Variants in PCDHGA7 observed in about 807,000 individuals in gnomAD.
PCDHGA7 encodes the protein protocadherin gamma-A7.
PCDHGA7 carries 44 observed loss-of-function variants against 58.3 expected under a neutral mutation model. The observed-to-expected ratio is 0.75, with a 90% CI of 0.59 to 0.97. PCDHGA7 has a LOEUF of 0.97. Ranked by LOEUF, PCDHGA7 falls within the 50% of genes least tolerant of loss-of-function variation. The pLI is 0.00. For synonymous variants in PCDHGA7, 516 were observed against 504.2 expected, an observed-to-expected ratio of 1.02 and a Z score of -0.31; for missense variants, 1,266 against 1,188.7, an observed-to-expected ratio of 1.06 and a Z score of -0.96.
rs144796076 is a variant in PCDHGA7, at chr5:141,394,245, G to A, written c.2424+8922G>A. ...CTCCATCTTTTCCTTGACTGCACACGACCCCGACAGCCAGGAGAATGCCCA... is the reference window on the plus strand; with the variant it reads ...CTCCATCTTTTCCTTGACTGCACACAACCCCGACAGCCAGGAGAATGCCCA... On this transcript the variant is annotated intron_variant, in intron 1 of 3. Transcript: ENST00000518325. The A allele has an allele frequency of 2.5e-3, 4,038 of 1,613,812 alleles. 13 individuals carry two copies. The highest frequency in any genetic ancestry group is 6.1e-3 in the Middle Eastern group (37 of 6,062).
Position 141,486,059 on chromosome 5 carries a change from C to A in PCDHGA7, c.2425-8748C>A. On this transcript the variant is annotated intron_variant, in intron 1 of 3. Transcript: ENST00000518325. This position sits in a 1 kb window ranked among gnomAD's most constrained non-coding sequence, Gnocchi z 5.0. ...TCGTGTAAGAAACCTCTTTAGCCTG[C>A]ACCCCACTACTGGAAAGCTTACTCT... 1 of 1,614,152 alleles carries A rather than the reference C, an allele frequency of 6.2e-7. No homozygotes were observed. Among genetic ancestry groups the A allele is most frequent in the Non-Finnish European group, 8.5e-7 (1 of 1,180,010 alleles).
chr5:141,496,103 C>G (rs779317844), intron 2 of PCDHGA7, among the ~76,000 whole-genome samples: 1 of 152,100 alleles, frequency 6.6e-6, no homozygotes, highest in Non-Finnish European at 1.5e-5. Flanking sequence ...ACCAACACCC[C>G]GCTCTCTTCC....
chr5:141,427,839 G>T, intron 1 of PCDHGA7: 1 of 1,547,310 alleles, frequency 6.5e-7, no homozygotes, highest in Non-Finnish European at 8.8e-7. Flanking sequence ...GCGTGCCTTC[G>T]ACCACGAGCA....
At chr5:141,419,694 G>A in intron 1 of PCDHGA7, 1 of 1,612,974 alleles carries the variant, frequency 6.2e-7, no homozygotes, top group Non-Finnish European at 8.5e-7. Context: ...GTGCAGGCCA[G>A]TGAGCCCGGG....
chr5:141,410,518 C>T (rs753664223), intron 1 of PCDHGA7: 1 of 1,613,820 alleles, frequency 6.2e-7, no homozygotes, highest in Non-Finnish European at 8.5e-7. Flanking sequence ...GCAGTGTGCC[C>T]CTACATTCCA....
At chr5:141,402,962 C>A (rs1482027682) in intron 1 of PCDHGA7, 2 of 1,604,618 alleles carry the variant, frequency 1.2e-6, no homozygotes, top group African/African-American at 2.7e-5. Flanking sequence ...AATGGCAGCT[C>A]CAACCAAATG....
chr5:141,385,076 A>G lies in PCDHGA7; in HGVS notation c.2177A>G (p.Gln726Arg). The G allele has an allele frequency of 6.2e-7, 1 of 1,614,206 alleles. No individual in the cohort carries two copies. Among genetic ancestry groups the G allele is most frequent in the Non-Finnish European group, 8.5e-7 (1 of 1,180,042 alleles). Residue 726 changes from glutamine to arginine, a missense_variant, in exon 1 of 4, where the codon CAG (glutamine) becomes CGG (arginine). Gln to Arg is a conservative substitution (Grantham distance 43, BLOSUM62 1). Transcript: ENST00000518325. ...LRRWHKSRLL[Q>R]ASEGGLANVP... ...CGCTGGCACAAGTCACGCCTGCTGC[A>G]GGCTTCAGAAGGTGGCTTGGCGAAC... is the stretch of plus-strand genomic sequence containing the variant.
At chr5:141,481,812 C>T (rs2099545604) in intron 1 of PCDHGA7, among the ~76,000 whole-genome samples, 2 of 149,798 alleles carry the variant, frequency 1.3e-5, no homozygotes, top group South Asian at 2.1e-4. Context: ...ATTCACCAGG[C>T]GTGGTGGCTG....
intron 1 of PCDHGA7, chr5:141,423,653 G>A: frequency 6.3e-7 from 1 of 1,578,174 alleles, no homozygotes. Context: ...GACCCGACAA[G>A]TAATCAGGTG....
At position 141,431,118 on chromosome 5, in the gene PCDHGA7, A is replaced by C; in HGVS notation, c.2424+45795A>C. On this transcript the variant is annotated intron_variant, in intron 1 of 3. Coordinates refer to ENST00000518325, the MANE Select transcript of PCDHGA7 (RefSeq NM_018920.4). The surrounding 1 kb of genome is among the most constrained non-coding windows in gnomAD (Gnocchi z 4.8). ...GATAAAGTGAAAATATATGGAGTAG[A>C]AGTAGAAGTAAGGGACATTAACGAC... 6.2e-7 allele frequency: 1 copy of C among 1,614,182 alleles called. No individual in the cohort carries two copies. Among genetic ancestry groups the C allele is most frequent in the Non-Finnish European group, 8.5e-7 (1 of 1,179,974 alleles).
chr5:141,404,909 C>G, intron 1 of PCDHGA7: 1 of 1,613,916 alleles, frequency 6.2e-7, no homozygotes, highest in Non-Finnish European at 8.5e-7. Flanking sequence ...TGGCCAGCCC[C>G]CTCTCTCGGC....
chr5:141,433,289 G>A, intron 1 of PCDHGA7: 1 of 1,130,682 alleles, frequency 8.8e-7, no homozygotes, highest in Non-Finnish European at 1.3e-6. Flanking sequence ...AAACTCCTAG[G>A]CTCAAGCAAT....
intron 1 of PCDHGA7, chr5:141,424,468 C>A (rs1301878037): frequency 1.3e-5 from 2 of 152,072 alleles, no homozygotes; most frequent in South Asian, 2.1e-4. Context: ...TCCTTTTATT[C>A]TTTTACTTTG....
chr5:141,437,371 A>C (rs887976412), intron 1 of PCDHGA7, among the ~76,000 whole-genome samples: 1 of 152,262 alleles, frequency 6.6e-6, no homozygotes, highest in African/African-American at 2.4e-5. Context: ...GAATGTAATC[A>C]GTCAGAAGAC....
chr5:141,479,188 A>G (rs2099489531), intron 1 of PCDHGA7: 1 of 152,606 alleles, frequency 6.6e-6, no homozygotes. Context: ...TAGAAAATTC[A>G]GAAAATACAG....
At chr5:141,409,511 A>C in intron 1 of PCDHGA7, 1 of 1,614,018 alleles carries the variant, frequency 6.2e-7, no homozygotes, top group Non-Finnish European at 8.5e-7. Flanking sequence ...TTCCAGTAGA[A>C]GCATCACCTT....
In PCDHGA7 at chr5:141,476,042, T is replaced by C. The variant is rs199923442; in HGVS notation, c.2425-18765T>C. On this transcript the variant is annotated intron_variant, in intron 1 of 3. Coordinates refer to ENST00000518325, the MANE Select transcript of PCDHGA7 (RefSeq NM_018920.4). The surrounding 1 kb of genome is among the most constrained non-coding windows in gnomAD (Gnocchi z 7.6). Reference sequence around the variant, plus strand: ...GACTCGGCGCCCAGCGCCCAAGCGCTAACCCGCTGAAAGTTTCTCAGCGAA... The same window carrying C: ...GACTCGGCGCCCAGCGCCCAAGCGCCAACCCGCTGAAAGTTTCTCAGCGAA... 1.4e-5 allele frequency: 21 copies of C among 1,491,832 alleles called. No individual in the cohort carries two copies. The highest frequency in any genetic ancestry group is 2.7e-6 in the Non-Finnish European group (3 of 1,123,808). 92.4% of individuals were successfully genotyped at this position (1,491,832 alleles called of 1,614,324 possible). A position where few individuals can be genotyped will look rare whatever the true frequency, so the allele number is the denominator to read the frequency against.
At chr5:141,500,446 T>C (rs2099800320) in intron 2 of PCDHGA7, among the ~76,000 whole-genome samples, 1 of 152,002 alleles carries the variant, frequency 6.6e-6, no homozygotes, top group South Asian at 2.1e-4. Context: ...CCTGACCTCG[T>C]GATCCGCCCG....
In PCDHGA7 at chr5:141,400,695, G is replaced by A. The variant is rs187552551; in HGVS notation, c.2424+15372G>A. On this transcript the variant is annotated intron_variant, in intron 1 of 3. Transcript: ENST00000518325. The stretch of plus-strand genomic sequence containing the variant: ...GCAGTAAATTGTGAGTTTTTATGTC[G>A]CATAAAAGAAGTAGCCTTATAGATT... 1.8e-5 allele frequency: 14 copies of A among 759,510 alleles called. No homozygotes were observed. The Admixed American group carries it at 4.0e-4, about 22-fold the overall frequency. The allele number at this position is 759,510 out of a possible 1,614,324, so 47.0% of individuals were successfully genotyped here.
Sources: allele counts gnomAD v4.1 joint callset (sites outside exome capture counted in the v4.1 genomes callset), GRCh38; gene constraint gnomAD v4.1.1; non-coding constraint Gnocchi (gnomAD v3.1); transcripts MANE v1.5; gene names NCBI Gene and HGNC (gene_info 2026-07-23, HGNC 2026-07-21).